Variants in ITIH6 observed in about 807,000 individuals in gnomAD.
ITIH6 encodes the protein inter-alpha-trypsin inhibitor heavy chain H6.
Under a neutral mutation model 58.2 loss-of-function variants are expected in ITIH6, and 60 were observed. That is an observed-to-expected ratio of 1.03 (90% confidence interval 0.84 to 1.28). The LOEUF is 1.28. Among genes scored for constraint, ITIH6 ranks in the 50% most tolerant of loss-of-function variants. The pLI is 0.00. For missense variants in ITIH6, 1,290 were observed against 1,021.1 expected, an observed-to-expected ratio of 1.26 and a Z score of -3.59; for synonymous variants, 493 against 417.4, an observed-to-expected ratio of 1.18 and a Z score of -2.21.
In ITIH6 at chrX:54,779,513, T is replaced by C. The variant is rs138074145; in HGVS notation, c.787-5316A>G. On this transcript the variant is annotated intron_variant, in intron 5 of 12. Transcript: ENST00000218436. ...AAGATAGTATTTACAGGCCTCATGGTAACCTCAAAACAAAAAACATACAAC... is the reference window on the plus strand; with the variant it reads ...AAGATAGTATTTACAGGCCTCATGGCAACCTCAAAACAAAAAACATACAAC... Among the ~76,000 whole-genome samples the C allele has an allele frequency of 2.3e-4, 26 of 111,035 alleles. No homozygotes were observed. The East Asian group carries it at 7.3e-3, about 31-fold the overall frequency.
In ITIH6 at chrX:54,757,012, G is replaced by T; in HGVS notation, c.3062C>A (p.Ser1021Tyr). The change falls in exon 8 of 13, where the codon TCC becomes TAC. Residue 1021 changes from serine (S) to tyrosine (Y), a missense_variant. Ser to Tyr is a moderately radical substitution (Grantham distance 144, BLOSUM62 -2). Transcript: ENST00000218436. ...ESMVESKFVESLNPPAFYTFL... is the reference protein window; with the variant it reads ...ESMVESKFVEYLNPPAFYTFL... ...GGTATAGAAAGCTGGTGGGTTCAAG[G>T]ACTCCACGAACTTGGATTCCACCAT... The T allele has an allele frequency of 8.3e-7, 1 of 1,208,114 alleles. No homozygotes were observed. Among genetic ancestry groups the T allele is most frequent in the Non-Finnish European group, 1.1e-6 (1 of 893,827 alleles).
At chrX:54,791,884 C>G in intron 3 of ITIH6, 42 bp downstream of exon 3, 1 of 772,574 alleles carries the variant, frequency 1.3e-6, no homozygotes, top group Non-Finnish European at 2.0e-6. Flanking sequence ...GATCACACAG[C>G]TAAGATGATT....
intron 5 of ITIH6, among the ~76,000 whole-genome samples, chrX:54,776,010 C>A (rs147199210): frequency 6.2e-4 from 69 of 111,662 alleles, no homozygotes; most frequent in Non-Finnish European, 9.8e-4. Flanking sequence ...ATGAAAGAGG[C>A]ACTGAAGTGG....
In ITIH6 at chrX:54,758,496, C is replaced by T. The variant is rs770729953; in HGVS notation, c.1578G>A (p.Lys526=). The change falls in exon 8 of 13, where the codon AAG becomes AAA. Residue 526 remains lysine (K), a synonymous_variant. Transcript: ENST00000218436. The stretch of plus-strand genomic sequence containing the variant: ...TGTGGTGGGCCACAAGAAGCTGATC[C>T]TTGGGGCCACGGGCTGCCAGGTGGA... ...LGIHLAARGP[K]DQLLVAHHSE... is the part of the protein sequence containing the mutation. 3 of 1,208,848 alleles carry T rather than the reference C, an allele frequency of 2.5e-6. No individual in the cohort carries two copies. The East Asian group carries it at 8.9e-5, about 36-fold the overall frequency.
intron 6 of ITIH6, among the ~76,000 whole-genome samples, chrX:54,773,524 A>G (rs1274646285): frequency 9.0e-6 from 1 of 111,365 alleles, no homozygotes; most frequent in African/African-American, 3.3e-5. Flanking sequence ...CTGCCTGCAG[A>G]ACTTTATGGA....
intron 4 of ITIH6, among the ~76,000 whole-genome samples, chrX:54,790,448 C>T (rs1188957906): frequency 8.9e-6 from 1 of 112,383 alleles, no homozygotes; most frequent in Non-Finnish European, 1.9e-5. Flanking sequence ...TTGCTGTGCA[C>T]TCACTCTCCT....
chrX:54,753,903 G>A (rs374254129), intron 10 of ITIH6, 27 bp downstream of exon 10: 8 of 1,201,029 alleles, frequency 6.7e-6, no homozygotes, highest in Non-Finnish European at 9.0e-6. Context: ...TACTCAAACA[G>A]GGGAGCCATG....
At position 54,798,200 on chromosome X, in the gene ITIH6, C is replaced by T; in HGVS notation, c.11G>A (p.Trp4Ter). 8.5e-7 allele frequency: 1 copy of T among 1,169,845 alleles called. No homozygotes were observed. The highest frequency in any genetic ancestry group is 1.2e-6 in the Non-Finnish European group (1 of 868,296). The change falls in exon 1 of 13, where the codon TGG (tryptophan) becomes TAG (stop). Residue 4 changes from tryptophan (W) to a stop codon, truncating the protein, a stop_gained. Transcript: ENST00000218436. LOFTEE classifies it high-confidence loss of function. MSG[W>*]RYLICVSFLL... is the part of the protein sequence containing the mutation. ...AAAGCTGACACAGATGAGGTACCTC[C>T]ACCCAGACATGATGCCACCTCTGGC...
intron 6 of ITIH6, among the ~76,000 whole-genome samples, chrX:54,762,943 C>G (rs1449367212): frequency 9.0e-6 from 1 of 111,624 alleles, no homozygotes; most frequent in African/African-American, 3.3e-5. Context: ...ATTATCACAG[C>G]AACACAATGA....
intron 4 of ITIH6, 82 bp from the exon 5 acceptor site, chrX:54,788,731 G>T: frequency 1.3e-6 from 1 of 796,657 alleles, no homozygotes; most frequent in Non-Finnish European, 1.9e-6. Context: ...AGCACAAAGG[G>T]TGCTATCTGG....
At chrX:54,779,092 G>C in intron 5 of ITIH6, among the ~76,000 whole-genome samples, 1 of 112,374 alleles carries the variant, frequency 8.9e-6, no homozygotes, top group African/African-American at 3.2e-5. Flanking sequence ...AAAGAGCTGA[G>C]GGATTTCATC....
chrX:54,794,636 G>C (rs911428890), intron 2 of ITIH6, among the ~76,000 whole-genome samples: 2 of 111,154 alleles, frequency 1.8e-5, no homozygotes, highest in African/African-American at 3.3e-5. Context: ...CCTTCTCCAG[G>C]GGAAGTGCCA....
intron 12 of ITIH6, 29 bp from the exon 13 acceptor site, chrX:54,750,135 G>A (rs762866462): frequency 8.9e-7 from 1 of 1,122,535 alleles, no homozygotes; most frequent in South Asian, 2.0e-5. Context: ...GTGCTAGTCA[G>A]GGAGGTGGCC....
chrX:54,778,705 G>A (rs1260632635), intron 5 of ITIH6, among the ~76,000 whole-genome samples: 1 of 110,883 alleles, frequency 9.0e-6, no homozygotes, highest in Non-Finnish European at 1.9e-5. Flanking sequence ...AAGAGATAGG[G>A]GTAGAAAGTT....
rs760840358 is a variant in ITIH6, at chrX:54,790,937, C to A, written c.516G>T (p.Lys172Asn). 22 of 1,212,375 alleles carry A rather than the reference C, an allele frequency of 1.8e-5. No individual in the cohort carries two copies. The highest frequency in any genetic ancestry group is 2.2e-5 in the Non-Finnish European group (20 of 895,641). Reference protein sequence around the residue: ...VVSLRPGQLVKRLSIEVTVSE... With the variant: ...VVSLRPGQLVNRLSIEVTVSE... ...ACACTGTAACCTCTATGCTCAGCCT[C>A]TTCACCAATTGGCCAGGCCTCAGGC... The change falls in exon 4 of 13, where the codon AAG becomes AAT. Residue 172 changes from lysine to asparagine, a missense_variant. Coordinates refer to ENST00000218436, the MANE Select transcript of ITIH6 (RefSeq NM_198510.3).
rs756986555 is a variant in ITIH6 at position 54,753,938 on chromosome X, G to A, written c.3230C>T (p.Ser1077Phe). The change falls in exon 10 of 13, where the codon TCC becomes TTC. Residue 1077 changes from serine (S) to phenylalanine (F), a missense_variant. Physicochemically the swap from Ser to Phe is radical, Grantham distance 155 (BLOSUM62 -2). Transcript: ENST00000218436. ...KGTLPSIFTF[S>F]SSVDGDPHFV... ...GGGGGTGACTGGCTTACCTGAGGAG[G>A]AGAAGGTGAAGATGCTAGGCAATGT... 2.5e-6 allele frequency: 3 copies of A among 1,210,318 alleles called. No individual in the cohort carries two copies. Among genetic ancestry groups the A allele is most frequent in the East Asian group, 3.0e-5 (1 of 33,845 alleles).
chrX:54,764,249 T>C (rs1404199988), intron 6 of ITIH6, among the ~76,000 whole-genome samples: 1 of 111,150 alleles, frequency 9.0e-6, no homozygotes, highest in Non-Finnish European at 1.9e-5. Flanking sequence ...TTTTCTATTC[T>C]TTTAAAATTC....
intron 5 of ITIH6, among the ~76,000 whole-genome samples, chrX:54,786,286 A>C (rs747486467): frequency 7.2e-5 from 8 of 111,563 alleles, no homozygotes; most frequent in Non-Finnish European, 1.5e-4. Flanking sequence ...CCTAACTGAC[A>C]AAGCCCAAGC....
At chrX:54,755,362 T>C (rs1256523029) in intron 8 of ITIH6, among the ~76,000 whole-genome samples, 1 of 112,405 alleles carries the variant, frequency 8.9e-6, no homozygotes, top group East Asian at 2.8e-4. Flanking sequence ...AGGTATTAGG[T>C]ATATGGTGGT....
Sources: allele counts gnomAD v4.1 joint callset (sites outside exome capture counted in the v4.1 genomes callset), GRCh38; gene constraint gnomAD v4.1.1; transcripts MANE v1.5; gene names NCBI Gene and HGNC (gene_info 2026-07-23, HGNC 2026-07-21).